The following CWF19L2 variants were observed in gnomAD, a reference collection of about 807,000 sequenced individuals.
CWF19L2 encodes CWF19 like cell cycle control factor 2.
A neutral mutation model predicts 111.7 loss-of-function variants in CWF19L2; 98 were observed. The observed-to-expected ratio is 0.88, with a 90% CI of 0.75 to 1.04. CWF19L2 has a LOEUF of 1.04. Among genes scored for constraint, CWF19L2 ranks in the 50% least tolerant of loss-of-function variants. CWF19L2 has a pLI of 0.00. For synonymous variants in CWF19L2, 351 were observed against 342.9 expected, an observed-to-expected ratio of 1.02 and a Z score of -0.26; for missense variants, 1,101 against 1,051.4, an observed-to-expected ratio of 1.05 and a Z score of -0.65.
At chr11:107,385,834 T>C (rs1367082506) in intron 12 of CWF19L2, among the ~76,000 whole-genome samples, 2 of 152,250 alleles carry the variant, frequency 1.3e-5, no homozygotes, top group Non-Finnish European at 2.9e-5. Context: ...TCTATTTAGT[T>C]ATTCAGTAGC....
chr11:107,403,495 T>C, intron 10 of CWF19L2: 1 of 848,200 alleles, frequency 1.2e-6, no homozygotes, highest in Non-Finnish European at 2.1e-6. Context: ...CACTGGTTCC[T>C]TCCTCTGCCA....
intron 12 of CWF19L2, among the ~76,000 whole-genome samples, chr11:107,360,945 G>C (rs1424090446): frequency 6.6e-6 from 1 of 152,100 alleles, no homozygotes; most frequent in Non-Finnish European, 1.5e-5. Flanking sequence ...TGTTCATAAA[G>C]CTTTTTAGTT....
At chr11:107,402,250 G>C (rs1861011655) in intron 10 of CWF19L2, among the ~76,000 whole-genome samples, 1 of 152,014 alleles carries the variant, frequency 6.6e-6, no homozygotes, top group African/African-American at 2.4e-5. Flanking sequence ...TTAAACTAAA[G>C]AGCTTTTGCA....
At chr11:107,429,725 T>C (rs1186271874) in intron 7 of CWF19L2, among the ~76,000 whole-genome samples, 5 of 148,228 alleles carry the variant, frequency 3.4e-5, no homozygotes, top group African/African-American at 1.0e-4. Context: ...CAGAAAACAG[T>C]AGAGACAAAC....
At chr11:107,415,479 TAG>T (rs1488278931) in intron 10 of CWF19L2, among the ~76,000 whole-genome samples, 1 of 152,178 alleles carries the variant, frequency 6.6e-6, no homozygotes, top group Non-Finnish European at 1.5e-5. Flanking sequence ...TCCATGCAGG[TAG>T]GTGTTTTTAT....
chr11:107,423,753 C>G (rs1565278003), intron 8 of CWF19L2, among the ~76,000 whole-genome samples: 1 of 151,740 alleles, frequency 6.6e-6, no homozygotes. Context: ...AGCTCCATAT[C>G]CAGAAATAAG....
chr11:107,453,815 C>A (rs970764871), intron 3 of CWF19L2, among the ~76,000 whole-genome samples: 10 of 151,982 alleles, frequency 6.6e-5, no homozygotes, highest in African/African-American at 2.4e-4. Flanking sequence ...GGGTGAGTCC[C>A]AGGCCGGGCA....
chr11:107,391,470 A>G (rs1393485752), intron 11 of CWF19L2, among the ~76,000 whole-genome samples: 1 of 152,228 alleles, frequency 6.6e-6, no homozygotes. Flanking sequence ...TGTTTAAGCC[A>G]TCCAGTCTAT....
chr11:107,426,461 T>C (rs770866274), intron 8 of CWF19L2, among the ~76,000 whole-genome samples: 22 of 151,906 alleles, frequency 1.4e-4, no homozygotes, highest in Non-Finnish European at 2.7e-4. Flanking sequence ...TTCCACTCCT[T>C]GGAATTTATT....
intron 5 of CWF19L2, among the ~76,000 whole-genome samples, chr11:107,440,735 C>T (rs1054835682): frequency 6.6e-6 from 1 of 151,908 alleles, no homozygotes; most frequent in African/African-American, 2.4e-5. Context: ...GACAAACAAC[C>T]CTGGTAGAAA....
chr11:107,443,436 T>A (rs907131662), intron 3 of CWF19L2, among the ~76,000 whole-genome samples: 59 of 151,768 alleles, frequency 3.9e-4, no homozygotes, highest in African/African-American at 1.2e-3. Context: ...TGAGCTAAGA[T>A]CACACCACTG....
intron 1 of CWF19L2, among the ~76,000 whole-genome samples, chr11:107,457,246 T>G (rs1323515778): frequency 6.6e-6 from 1 of 152,224 alleles, no homozygotes; most frequent in Non-Finnish European, 1.5e-5. Context: ...TTACAGTAAG[T>G]CTGGAATTGA....
chr11:107,409,703 T>C (rs1440861239), intron 10 of CWF19L2, among the ~76,000 whole-genome samples: 2 of 152,092 alleles, frequency 1.3e-5, no homozygotes, highest in Non-Finnish European at 1.5e-5. Context: ...TGAGACCTCA[T>C]CACTCAGTGT....
At chr11:107,391,098 C>T (rs1047819107) in intron 11 of CWF19L2, among the ~76,000 whole-genome samples, 4 of 152,200 alleles carry the variant, frequency 2.6e-5, no homozygotes, top group African/African-American at 4.8e-5. Flanking sequence ...CCGAAGGCTG[C>T]ACTGTCAGCT....
intron 14 of CWF19L2, among the ~76,000 whole-genome samples, chr11:107,342,240 T>C (rs1321802749): frequency 2.6e-5 from 4 of 152,056 alleles, no homozygotes; most frequent in African/African-American, 7.2e-5. Flanking sequence ...TGTAATTTCA[T>C]TGTAATTCAA....
At chr11:107,444,728 A>G (rs1290051884) in intron 3 of CWF19L2, among the ~76,000 whole-genome samples, 1 of 152,158 alleles carries the variant, frequency 6.6e-6, no homozygotes, top group Non-Finnish European at 1.5e-5. Flanking sequence ...TACAAAATCT[A>G]CTTCTCCTTG....
rs113445192 is a variant in CWF19L2, at chr11:107,372,822, G to T, written c.1872+17252C>A. 2.8e-4 allele frequency among the ~76,000 whole-genome samples: 37 copies of T among 131,088 alleles called. 5 individuals carry two copies. Among genetic ancestry groups the T allele is most frequent in the African/African-American group, 1.2e-3 (37 of 31,424 alleles). 86.0% of individuals were successfully genotyped at this position (131,088 alleles called of 152,430 possible). A position where few individuals can be genotyped will look rare whatever the true frequency, so the allele number is the denominator to read the frequency against. ...GTCTACAGCTCCCAGCGTGAGCGAC[G>T]CAGAAGACGGGTGATTTGTGCATTT... On this transcript the variant is annotated intron_variant, in intron 12 of 17. Coordinates refer to ENST00000282251, the MANE Select transcript of CWF19L2 (RefSeq NM_152434.3).
intron 10 of CWF19L2, among the ~76,000 whole-genome samples, chr11:107,412,241 CAT>C (rs1192013442): frequency 6.6e-6 from 1 of 152,152 alleles, no homozygotes; most frequent in East Asian, 1.9e-4. Context: ...AGATACATGC[CAT>C]AGAGAATACT....
chr11:107,430,174 G>GA (rs912362024), intron 7 of CWF19L2, among the ~76,000 whole-genome samples: 4 of 133,248 alleles, frequency 3.0e-5, no homozygotes, highest in East Asian at 2.1e-4. Flanking sequence ...GAAAAACACA[G>GA]AAAAAAACCC....
Sources: allele counts gnomAD v4.1 joint callset (sites outside exome capture counted in the v4.1 genomes callset), GRCh38; gene constraint gnomAD v4.1.1; transcripts MANE v1.5; gene names NCBI Gene and HGNC (gene_info 2026-07-23, HGNC 2026-07-21).